SAFB: variants seen among roughly 807,000 people sequenced by gnomAD.
SAFB encodes scaffold attachment factor B1.
Under a neutral mutation model 101.6 loss-of-function variants are expected in SAFB, and 15 were observed. The observed-to-expected ratio is 0.15, with a 90% CI of 0.10 to 0.23. The LOEUF is 0.23. Among genes scored for constraint, SAFB ranks in the 10% least tolerant of loss-of-function variants. The probability of loss-of-function intolerance (pLI) is 1.00; values close to 1 mark genes in which losing one functional copy is unlikely to be tolerated. For missense variants in SAFB, 930 were observed against 1,104.1 expected, an observed-to-expected ratio of 0.84 and a Z score of 2.23; for synonymous variants, 449 against 407.5, an observed-to-expected ratio of 1.10 and a Z score of -1.23.
intron 5 of SAFB, 75 bp from the exon 6 acceptor site, chr19:5,647,941 T>C: frequency 7.6e-7 from 1 of 1,308,292 alleles, no homozygotes. Context: ...CCTCTTTAGT[T>C]ATTCTGGGTT....
intron 2 of SAFB, among the ~76,000 whole-genome samples, chr19:5,633,972 A>T (rs1461031719): frequency 3.3e-5 from 5 of 152,072 alleles, no homozygotes; most frequent in Non-Finnish European, 7.4e-5. Flanking sequence ...GCCCTCATGA[A>T]CAGTTTGGCA....
In SAFB at chr19:5,667,285, C is replaced by A; in HGVS notation, c.2454-62C>A. On this transcript the variant is annotated intron_variant, in intron 18 of 20. Coordinates refer to ENST00000588852, the MANE Select transcript of SAFB (RefSeq NM_001201338.2). The surrounding 1 kb of genome is among the most constrained non-coding windows in gnomAD (Gnocchi z 4.0). ...GGGATTCACTCTCCAGAAGCCGCCA[C>A]AGTTATTAGCACAAGAGCCAGAGAT... is the stretch of plus-strand genomic sequence containing the variant. The A allele has an allele frequency of 7.4e-7, 1 of 1,344,082 alleles. No homozygotes were observed. The highest frequency in any genetic ancestry group is 1.0e-6 in the Non-Finnish European group (1 of 996,556). 83.3% of individuals were successfully genotyped at this position (1,344,082 alleles called of 1,614,324 possible).
chr19:5,654,292 G>A, intron 12 of SAFB, 76 bp from the exon 13 acceptor site: 3 of 1,585,328 alleles, frequency 1.9e-6, no homozygotes, highest in Non-Finnish European at 2.6e-6. Context: ...ACGGAAACTG[G>A]ATTCATGTTG....
chr19:5,648,794 G>C (rs2053877442), intron 6 of SAFB, 195 bp from the exon 7 acceptor site: 1 of 681,376 alleles, frequency 1.5e-6, no homozygotes, highest in Non-Finnish European at 2.7e-6. Flanking sequence ...GTGTAGCGTA[G>C]AGGCTTACCT....
chr19:5,661,491 C>T (rs2054201897), intron 14 of SAFB, 27 bp from the exon 15 acceptor site: 1 of 1,608,232 alleles, frequency 6.2e-7, no homozygotes. Context: ...TGTCTAGGTC[C>T]CCTTCTGCAG....
At chr19:5,642,473 A>C (rs8113135) in intron 4 of SAFB, among the ~76,000 whole-genome samples, 16,987 of 114,142 alleles carry the variant, frequency 0.15, 1,798 homozygotes, top group East Asian at 0.58. Flanking sequence ...AACAAACAAA[A>C]AAAAAAACAC....
intron 2 of SAFB, among the ~76,000 whole-genome samples, chr19:5,631,641 G>A (rs1343879105): frequency 6.6e-6 from 1 of 152,064 alleles, no homozygotes; most frequent in Non-Finnish European, 1.5e-5. Flanking sequence ...CTTTTAAACA[G>A]CACTTGGCCA....
chr19:5,661,509 G>C lies in SAFB; in HGVS notation c.1863-9G>C. The stretch of plus-strand genomic sequence containing the variant: ...CTAGGTCCCCTTCTGCAGCTCTACT[G>C]TTGTGCAGCAGGGTGCGTGAACGCA... On this transcript the variant is annotated splice_polypyrimidine_tract_variant and intron_variant, in intron 14 of 20. Transcript: ENST00000588852. 6.2e-7 allele frequency: 1 copy of C among 1,611,858 alleles called. No homozygotes were observed. Among genetic ancestry groups the C allele is most frequent in the Non-Finnish European group, 8.5e-7 (1 of 1,179,152 alleles).
Position 5,667,734 on chromosome 19 carries a change from C to A in SAFB, c.2558-86C>A. On this transcript the variant is annotated intron_variant, in intron 19 of 20. Coordinates refer to ENST00000588852, the MANE Select transcript of SAFB (RefSeq NM_001201338.2). The surrounding 1 kb of genome is among the most constrained non-coding windows in gnomAD (Gnocchi z 4.0). ...TAGTTGTGGGTACCTGGGGGCCTCA[C>A]CAAAGGGAGTGGAGTGGGCTAAATG... 1 of 1,391,096 alleles carries A rather than the reference C, an allele frequency of 7.2e-7. No homozygotes were observed. Among genetic ancestry groups the A allele is most frequent in the Non-Finnish European group, 1.0e-6 (1 of 987,606 alleles). The allele number at this position is 1,391,096 out of a possible 1,614,324, so 86.2% of individuals were successfully genotyped here. A position where few individuals can be genotyped will look rare whatever the true frequency, so the allele number is the denominator to read the frequency against.
intron 2 of SAFB, among the ~76,000 whole-genome samples, chr19:5,627,885 G>A (rs747170231): frequency 3.3e-5 from 5 of 152,052 alleles, no homozygotes; most frequent in Non-Finnish European, 7.4e-5. Flanking sequence ...TGAGGACTAG[G>A]GCTGTGTCTT....
chr19:5,626,513 T>G (rs1470855991), intron 2 of SAFB, 24 bp downstream of exon 2: 1 of 1,387,802 alleles, frequency 7.2e-7, no homozygotes, highest in South Asian at 1.2e-5. Flanking sequence ...CATAAGCAAG[T>G]TTCATGTTAA....
intron 1 of SAFB, among the ~76,000 whole-genome samples, chr19:5,626,066 G>A (rs2053352306): frequency 6.6e-6 from 1 of 152,206 alleles, no homozygotes; most frequent in African/African-American, 2.4e-5. Context: ...TAAGCCTACT[G>A]TTTGTTGAGT....
chr19:5,634,667 A>G (rs2053559060), intron 2 of SAFB, among the ~76,000 whole-genome samples: 1 of 152,134 alleles, frequency 6.6e-6, no homozygotes, highest in African/African-American at 2.4e-5. Context: ...ATGTTCTGAC[A>G]AATCAGTAAG....
intron 20 of SAFB, 119 bp downstream of exon 20, chr19:5,668,005 C>A: frequency 7.1e-7 from 1 of 1,412,102 alleles, no homozygotes; most frequent in Non-Finnish European, 9.6e-7. Context: ...TGACGTGAGG[C>A]CAGGCATGGG....
intron 4 of SAFB, among the ~76,000 whole-genome samples, chr19:5,643,817 T>C (rs1388799528): frequency 2.0e-5 from 3 of 150,484 alleles, no homozygotes; most frequent in Non-Finnish European, 4.4e-5. Context: ...GAGCCAGGAT[T>C]GTGCCACTGC....
chr19:5,641,542 T>G (rs1434823240), intron 2 of SAFB, 52 bp from the exon 3 acceptor site: 1 of 1,486,550 alleles, frequency 6.7e-7, no homozygotes, highest in Non-Finnish European at 9.3e-7. Flanking sequence ...CATTGTTGCT[T>G]CTGTAAAGTG....
intron 14 of SAFB, among the ~76,000 whole-genome samples, chr19:5,659,279 T>C (rs147542895): frequency 6.6e-6 from 1 of 152,070 alleles, no homozygotes; most frequent in African/African-American, 2.4e-5. Flanking sequence ...CACTCCAGCC[T>C]GGGCAACAAG....
intron 9 of SAFB, 57 bp downstream of exon 9, chr19:5,651,129 T>C (rs1029596059): frequency 1.4e-4 from 151 of 1,066,830 alleles, no homozygotes; most frequent in Middle Eastern, 6.2e-4. Context: ...GTGTGGCCTT[T>C]ACATGGAGGT....
chr19:5,664,322 TGGGG>T, intron 16 of SAFB, 71 bp from the exon 17 acceptor site: 1 of 1,470,720 alleles, frequency 6.8e-7, no homozygotes, highest in Non-Finnish European at 9.5e-7. Flanking sequence ...TGCTTTTCAT[TGGGG>T]GCCTGATGGT....
Sources: gnomAD v4.1 joint callset for allele counts (sites outside exome capture counted in the v4.1 genomes callset) on GRCh38, gnomAD v4.1.1 for gene constraint, Gnocchi (gnomAD v3.1) non-coding constraint, MANE v1.5 for transcripts, NCBI Gene and HGNC (gene_info 2026-07-23, HGNC 2026-07-21) for gene names.